Variants in GFRA1 observed in about 807,000 individuals in gnomAD.
The protein encoded by GFRA1 is GDNF family receptor alpha-1.
GFRA1 carries 16 observed loss-of-function variants against 51.6 expected under a neutral mutation model. The ratio of observed to expected loss-of-function variants is 0.31; its 90% CI spans 0.21 to 0.47. The LOEUF (loss-of-function observed/expected upper bound fraction) is 0.47, where lower values mean the gene tolerates loss of function less well. Ranked by LOEUF, GFRA1 falls within the 20% of genes least tolerant of loss-of-function variation. The pLI, the probability that GFRA1 is intolerant of heterozygous loss-of-function variation, is 1.00. For synonymous variants in GFRA1, 270 were observed against 241.3 expected (o/e 1.12, Z -1.10); for missense variants, 530 against 594.3 (o/e 0.89, Z 1.13).
At chr10:116,064,623 C>T in intron 10 of GFRA1, 79 bp from the exon 11 acceptor site, 4 of 1,336,228 alleles carry the variant, frequency 3.0e-6, no homozygotes, top group East Asian at 2.3e-5. Flanking sequence ...CTCTCTCCCC[C>T]CGACTCCCCA....
chr10:116,230,562 G>C (rs1384272187), intron 4 of GFRA1, among the ~76,000 whole-genome samples: 2 of 152,170 alleles, frequency 1.3e-5, no homozygotes, highest in African/African-American at 4.8e-5. Context: ...TAGAAATCTA[G>C]CTTTTCCAGC....
At chr10:116,126,268 A>T (rs1180963928) in intron 5 of GFRA1, among the ~76,000 whole-genome samples, 2 of 152,230 alleles carry the variant, frequency 1.3e-5, no homozygotes, top group Non-Finnish European at 2.9e-5. Context: ...TTGTATTTTG[A>T]ATAGAATTTC....
chr10:116,167,441 A>G (rs991533077), intron 5 of GFRA1, among the ~76,000 whole-genome samples: 6 of 152,164 alleles, frequency 3.9e-5, no homozygotes, highest in Admixed American at 3.3e-4. Flanking sequence ...CTCTCTGGCC[A>G]GATCCTAAGC....
In GFRA1 at chr10:116,173,988, G is replaced by A. The variant is rs185415448; in HGVS notation, c.433+37643C>T. 5.8e-3 allele frequency among the ~76,000 whole-genome samples: 890 copies of A among 152,234 alleles called. 3 individuals are homozygous for A. Among genetic ancestry groups the A allele is most frequent in the Non-Finnish European group, 1.0e-2 (679 of 68,022 alleles). ...CCAGCTACTTGGGAGGCTGAGGCAGGAGAATCTCTTGAACCTGGGAGGCAG... is the reference window on the plus strand; with the variant it reads ...CCAGCTACTTGGGAGGCTGAGGCAGAAGAATCTCTTGAACCTGGGAGGCAG... On this transcript the variant is annotated intron_variant, in intron 5 of 10. Coordinates refer to ENST00000355422, the MANE Select transcript of GFRA1 (RefSeq NM_005264.8).
At position 116,063,617 on chromosome 10, in the gene GFRA1, G is replaced by C. The variant is rs1954930763; in HGVS notation, c.*781C>G. 6.6e-6 allele frequency: 1 copy of C among 152,164 alleles called. No homozygotes were observed. The highest frequency in any genetic ancestry group is 6.5e-5 in the Admixed American group (1 of 15,268). 9.4% of individuals were successfully genotyped at this position (152,164 alleles called of 1,614,324 possible). The stretch of plus-strand genomic sequence containing the variant: ...TTAGAGCGACATTTCAGCTATATTG[G>C]ACTTTTGTTAGGTAAAGGGCTTCTC... On this transcript the variant is annotated 3_prime_UTR_variant, in exon 11 of 11. Coordinates refer to ENST00000355422, the MANE Select transcript of GFRA1 (RefSeq NM_005264.8).
chr10:116,180,631 ATACCCACC>A (rs1347191797), intron 5 of GFRA1, among the ~76,000 whole-genome samples: 8 of 152,160 alleles, frequency 5.3e-5, no homozygotes, highest in Non-Finnish European at 1.0e-4. Context: ...CCTAGATTCT[ATACCCACC>A]CACGGCCAAT....
At chr10:116,128,351 A>G (rs1402893691) in intron 5 of GFRA1, among the ~76,000 whole-genome samples, 1 of 152,224 alleles carries the variant, frequency 6.6e-6, no homozygotes, top group African/African-American at 2.4e-5. Context: ...AATAAAAATA[A>G]CGAAAGTCAA....
intron 5 of GFRA1, among the ~76,000 whole-genome samples, chr10:116,210,941 C>T (rs1024037370): frequency 3.3e-5 from 5 of 152,158 alleles, no homozygotes; most frequent in South Asian, 2.1e-4. Flanking sequence ...CCAGAAGGTT[C>T]GAGGAGGCCA....
Position 116,272,023 on chromosome 10 carries a change from G to T in GFRA1, c.7C>A (p.Leu3Met). 1 of 1,557,518 alleles carries T rather than the reference G, an allele frequency of 6.4e-7. No homozygotes were observed. Among genetic ancestry groups the T allele is most frequent in the East Asian group, 2.4e-5 (1 of 41,224 alleles). The change falls in exon 2 of 11, where the codon CTG (leucine) becomes ATG (methionine). Residue 3 changes from leucine (L) to methionine (M), a missense_variant. Coordinates refer to ENST00000355422, the MANE Select transcript of GFRA1 (RefSeq NM_005264.8). This position sits in a 1 kb window ranked among gnomAD's most constrained non-coding sequence, Gnocchi z 4.4. The stretch of plus-strand genomic sequence containing the variant: ...GGCAGCGCGAAGTACAGGGTCGCCA[G>T]GAACATGGTGCCGGCGCGGGGCTGG... MFLATLYFALPLL... is the reference protein window; with the variant it reads MFMATLYFALPLL...
At chr10:116,207,319 A>G (rs762804436) in intron 5 of GFRA1, among the ~76,000 whole-genome samples, 2 of 147,526 alleles carry the variant, frequency 1.4e-5, no homozygotes, top group Non-Finnish European at 3.0e-5. Flanking sequence ...AGATGAGTTC[A>G]GTTTGTTTGT....
intron 5 of GFRA1, among the ~76,000 whole-genome samples, chr10:116,136,882 A>G (rs996680356): frequency 6.6e-6 from 1 of 152,218 alleles, no homozygotes; most frequent in African/African-American, 2.4e-5. Context: ...GCTCAGGAGT[A>G]GAAAATAAGG....
chr10:116,075,176 CCTCT>C (rs1338826436), intron 9 of GFRA1, among the ~76,000 whole-genome samples: 2 of 152,058 alleles, frequency 1.3e-5, no homozygotes, highest in African/African-American at 2.4e-5. Context: ...ATCTTCCCAT[CCTCT>C]CTCTAAGTCT....
intron 5 of GFRA1, among the ~76,000 whole-genome samples, chr10:116,156,653 G>C (rs1194348416): frequency 1.3e-5 from 2 of 152,194 alleles, no homozygotes; most frequent in African/African-American, 4.8e-5. Context: ...AAATGGTGAA[G>C]ATCTACAATA....
intron 4 of GFRA1, among the ~76,000 whole-genome samples, chr10:116,231,988 G>A (rs1021027436): frequency 1.3e-5 from 2 of 152,148 alleles, no homozygotes; most frequent in African/African-American, 2.4e-5. Context: ...AATTAAGAGC[G>A]CAGTATGGAG....
chr10:116,113,875 A>G (rs2133977148), intron 6 of GFRA1, among the ~76,000 whole-genome samples: 1 of 152,322 alleles, frequency 6.6e-6, no homozygotes, highest in Non-Finnish European at 1.5e-5. Context: ...AGGGCCTGGC[A>G]CAAAGTAAAT....
At chr10:116,109,656 G>A (rs1205014415) in intron 6 of GFRA1, among the ~76,000 whole-genome samples, 1 of 152,104 alleles carries the variant, frequency 6.6e-6, no homozygotes, top group Non-Finnish European at 1.5e-5. Flanking sequence ...GGCTCCCCGG[G>A]CCCACGGGGA....
intron 5 of GFRA1, among the ~76,000 whole-genome samples, chr10:116,146,016 C>T (rs1178131465): frequency 6.6e-6 from 1 of 152,076 alleles, no homozygotes; most frequent in Non-Finnish European, 1.5e-5. Flanking sequence ...TGTACACACA[C>T]ACACACCACT....
chr10:116,189,517 T>C (rs979277651), intron 5 of GFRA1, among the ~76,000 whole-genome samples: 45 of 152,210 alleles, frequency 3.0e-4, no homozygotes, highest in African/African-American at 1.1e-3. Context: ...GTTTCACACT[T>C]TCGTGCAACA....
At chr10:116,064,621 C>A in intron 10 of GFRA1, 77 bp from the exon 11 acceptor site, 1 of 1,338,060 alleles carries the variant, frequency 7.5e-7, no homozygotes. Flanking sequence ...CTCTCTCTCC[C>A]CCCGACTCCC....
Sources: allele counts gnomAD v4.1 joint callset (sites outside exome capture counted in the v4.1 genomes callset), GRCh38; gene constraint gnomAD v4.1.1; non-coding constraint Gnocchi (gnomAD v3.1); transcripts MANE v1.5; gene names NCBI Gene and HGNC (gene_info 2026-07-23, HGNC 2026-07-21).